The following REC114 variants were observed in gnomAD, a reference collection of about 807,000 sequenced individuals.
The protein encoded by REC114 is meiotic recombination protein REC114.
A neutral mutation model predicts 31.3 loss-of-function variants in REC114; 27 were observed. That is an observed-to-expected ratio of 0.86 (90% CI 0.64 to 1.19). The LOEUF (loss-of-function observed/expected upper bound fraction) is 1.19, where lower values mean the gene tolerates loss of function less well. Ranked by LOEUF, REC114 falls within the 50% of genes most tolerant of loss-of-function variation. REC114 has a pLI of 0.00. For synonymous variants in REC114, 134 were observed against 127.7 expected, an observed-to-expected ratio of 1.05 and a Z score of -0.33; for missense variants, 344 against 326.9, an observed-to-expected ratio of 1.05 and a Z score of -0.40.
intron 5 of REC114, among the ~76,000 whole-genome samples, chr15:73,558,284 C>T (rs141344876): frequency 5.4e-4 from 82 of 152,176 alleles, no homozygotes; most frequent in African/African-American, 1.8e-3. Flanking sequence ...ATGCTATCCA[C>T]GTAAAGAATA....
intron 2 of REC114, among the ~76,000 whole-genome samples, chr15:73,490,860 G>A (rs1473510951): frequency 6.6e-6 from 1 of 152,004 alleles, no homozygotes; most frequent in Admixed American, 6.6e-5. Context: ...CATCCCCAGA[G>A]AACTACTTTC....
chr15:73,514,785 TAAAG>T (rs767438521), intron 2 of REC114, among the ~76,000 whole-genome samples: 2 of 152,042 alleles, frequency 1.3e-5, no homozygotes, highest in African/African-American at 2.4e-5. Context: ...TGATAAAATA[TAAAG>T]AAAGACTAGA....
At chr15:73,496,931 T>TTA (rs201984743) in intron 2 of REC114, among the ~76,000 whole-genome samples, 1 of 151,432 alleles carries the variant, frequency 6.6e-6, no homozygotes, top group Non-Finnish European at 1.5e-5. Context: ...AGTCTTTATT[T>TTA]TTTTTTTTTT....
At chr15:73,533,498 A>G (rs1365541099) in intron 2 of REC114, among the ~76,000 whole-genome samples, 1 of 151,356 alleles carries the variant, frequency 6.6e-6, no homozygotes, top group East Asian at 1.9e-4. Context: ...TATCCTAAAT[A>G]TATATGCACC....
At chr15:73,503,184 T>C (rs1158655209) in intron 2 of REC114, among the ~76,000 whole-genome samples, 1 of 152,216 alleles carries the variant, frequency 6.6e-6, no homozygotes, top group African/African-American at 2.4e-5. Context: ...TCAAGAGAAA[T>C]AAGTTACTTT....
intron 1 of REC114, among the ~76,000 whole-genome samples, chr15:73,461,701 A>G (rs1892988957): frequency 1.3e-5 from 2 of 152,098 alleles, no homozygotes; most frequent in Non-Finnish European, 1.5e-5. Context: ...AGCTTGTGAT[A>G]GGGAGGTTCC....
At chr15:73,471,156 G>A (rs946257863) in intron 1 of REC114, among the ~76,000 whole-genome samples, 7 of 152,194 alleles carry the variant, frequency 4.6e-5, no homozygotes, top group Admixed American at 3.9e-4. Context: ...TTGGAGAAGG[G>A]AAGCAAGAAC....
At chr15:73,468,804 C>T (rs1350668883) in intron 1 of REC114, among the ~76,000 whole-genome samples, 1 of 151,660 alleles carries the variant, frequency 6.6e-6, no homozygotes, top group African/African-American at 2.4e-5. Flanking sequence ...TGCATTCTCT[C>T]ATATTGAGGT....
intron 2 of REC114, among the ~76,000 whole-genome samples, chr15:73,504,190 A>G (rs1240107479): frequency 1.3e-5 from 2 of 151,824 alleles, no homozygotes; most frequent in Non-Finnish European, 2.9e-5. Flanking sequence ...TATTTTTAGT[A>G]GAGACGGGGT....
At chr15:73,555,639 C>T (rs1022231841) in intron 4 of REC114, among the ~76,000 whole-genome samples, 3 of 152,118 alleles carry the variant, frequency 2.0e-5, no homozygotes, top group Non-Finnish European at 2.9e-5. Flanking sequence ...TGTGGGCTTC[C>T]AGAGGGCAGG....
intron 1 of REC114, among the ~76,000 whole-genome samples, chr15:73,453,444 A>G (rs540847992): frequency 2.6e-5 from 4 of 152,156 alleles, no homozygotes; most frequent in Non-Finnish European, 5.9e-5. Flanking sequence ...TGTTAGAATG[A>G]TGATCATTAA....
At chr15:73,455,314 T>G (rs1050035155) in intron 1 of REC114, among the ~76,000 whole-genome samples, 1 of 152,168 alleles carries the variant, frequency 6.6e-6, no homozygotes, top group African/African-American at 2.4e-5. Context: ...AATATATTAT[T>G]GTGGAGGATA....
At chr15:73,515,018 C>T (rs1051354654) in intron 2 of REC114, among the ~76,000 whole-genome samples, 1 of 151,044 alleles carries the variant, frequency 6.6e-6, no homozygotes, top group Non-Finnish European at 1.5e-5. Context: ...TGGCTTACTG[C>T]AGCCTCAACC....
At chr15:73,476,890 C>G (rs904421549) in intron 2 of REC114, among the ~76,000 whole-genome samples, 2 of 152,112 alleles carry the variant, frequency 1.3e-5, no homozygotes, top group Non-Finnish European at 2.9e-5. Flanking sequence ...CGTTAAATGT[C>G]CAAGAGAAGA....
At chr15:73,535,886 T>A (rs1244381917) in intron 2 of REC114, among the ~76,000 whole-genome samples, 1 of 151,442 alleles carries the variant, frequency 6.6e-6, no homozygotes, top group Non-Finnish European at 1.5e-5. Flanking sequence ...TCTACAACTA[T>A]CTGATCTTTG....
At position 73,540,943 on chromosome 15, in the gene REC114, T is replaced by C. The variant is rs531175081; in HGVS notation, c.333+375T>C. On this transcript the variant is annotated intron_variant, in intron 3 of 5. Coordinates refer to ENST00000331090, the MANE Select transcript of REC114 (RefSeq NM_001042367.2). Reference sequence around the variant, plus strand: ...GTATTTTCATTTTTTCTTTTTAATATTAAAAAATTTCCCTTTTACTTGCTT... The same window carrying C: ...GTATTTTCATTTTTTCTTTTTAATACTAAAAAATTTCCCTTTTACTTGCTT... 2.6e-5 allele frequency among the ~76,000 whole-genome samples: 4 copies of C among 152,330 alleles called. No homozygotes were observed. The South Asian group carries it at 8.3e-4, about 32-fold the overall frequency.
intron 2 of REC114, among the ~76,000 whole-genome samples, chr15:73,500,941 G>T (rs1291832321): frequency 6.6e-6 from 1 of 151,970 alleles, no homozygotes; most frequent in Non-Finnish European, 1.5e-5. Flanking sequence ...TTTGTGTCAG[G>T]TGTCCCCATG....
intron 1 of REC114, among the ~76,000 whole-genome samples, chr15:73,455,298 C>A (rs1366674560): frequency 6.6e-6 from 1 of 152,096 alleles, no homozygotes; most frequent in Non-Finnish European, 1.5e-5. Flanking sequence ...TTAGGTAAAG[C>A]ATAAAAATAT....
intron 1 of REC114, among the ~76,000 whole-genome samples, chr15:73,447,563 C>T (rs946633515): frequency 2.0e-5 from 3 of 151,712 alleles, no homozygotes; most frequent in Admixed American, 1.3e-4. Flanking sequence ...CAGGAGAATC[C>T]CTTGAGCCTA....
Sources: allele counts gnomAD v4.1 joint callset (sites outside exome capture counted in the v4.1 genomes callset), GRCh38; gene constraint gnomAD v4.1.1; transcripts MANE v1.5; gene names NCBI Gene and HGNC (gene_info 2026-07-23, HGNC 2026-07-21).